The following AUTS2 variants were observed in gnomAD, a reference collection of about 807,000 sequenced individuals.
AUTS2 encodes autism susceptibility gene 2 protein.
In AUTS2, 17 loss-of-function variants were observed where a neutral mutation model predicts 112.4. The observed-to-expected ratio is 0.15, with a 90% CI of 0.10 to 0.23. AUTS2 has a LOEUF of 0.23. Among genes scored for constraint, AUTS2 ranks in the 10% least tolerant of loss-of-function variants. The probability of loss-of-function intolerance (pLI) is 1.00; values close to 1 mark genes in which losing one functional copy is unlikely to be tolerated. For synonymous variants in AUTS2, 751 were observed against 702.7 expected, an observed-to-expected ratio of 1.07 and a Z score of -1.09; for missense variants, 1,510 against 1,701.6, an observed-to-expected ratio of 0.89 and a Z score of 1.98.
At chr7:69,673,983 T>A (rs1796448063) in intron 1 of AUTS2, among the ~76,000 whole-genome samples, 1 of 152,252 alleles carries the variant, frequency 6.6e-6, no homozygotes, top group African/African-American at 2.4e-5. Flanking sequence ...TGTAATCTTT[T>A]AAAAATATTG....
chr7:70,330,554 A>G (rs1052044285), intron 4 of AUTS2, among the ~76,000 whole-genome samples: 2 of 152,178 alleles, frequency 1.3e-5, no homozygotes, highest in African/African-American at 4.8e-5. Flanking sequence ...TGAAATCAGG[A>G]AGTATAAGTC....
chr7:70,340,250 G>A (rs895291983), intron 4 of AUTS2, among the ~76,000 whole-genome samples: 1 of 151,072 alleles, frequency 6.6e-6, no homozygotes, highest in East Asian at 1.9e-4. Context: ...ATAAATACCA[G>A]TACACATTTT....
Position 69,614,314 on chromosome 7 carries a change from CTCTTTCTTTCTT to C in AUTS2, c.309+14394_309+14405del, listed in dbSNP as rs763131370. On this transcript the variant is annotated intron_variant, in intron 1 of 18. Coordinates refer to ENST00000342771, the MANE Select transcript of AUTS2 (RefSeq NM_015570.4). ...ACTTCTCTCAAGAGTCACTCTCCGT[CTCTTTCTTTCTT>C]TCTTTCTTTCTTTCTTTCTTTCTTT... is the stretch of plus-strand genomic sequence containing the variant. 9.7e-4 allele frequency among the ~76,000 whole-genome samples: 81 copies of C among 83,410 alleles called. 1 individual carries two copies. In the South Asian group the frequency reaches 0.013, roughly 14 times the overall value. The allele number at this position is 83,410 out of a possible 152,430, so 54.7% of individuals were successfully genotyped here.
In AUTS2 at chr7:70,763,063, G is replaced by A. The variant is rs757410487; in HGVS notation, c.936G>A (p.Glu312=). Residue 312 remains glutamate (E), a synonymous_variant, in exon 7 of 19, where the codon GAG becomes GAA. Transcript: ENST00000342771. ...VAQPIPQPQT[E]PQLRAPSPDP... is the part of the protein sequence containing the mutation. ...AGCCAATACCCCAGCCGCAGACGGA[G>A]CCCCAACTCCGAGCTCCTTCTCCGG... 3 of 1,613,992 alleles carry A rather than the reference G, an allele frequency of 1.9e-6. No homozygotes were observed. Among genetic ancestry groups the A allele is most frequent in the East Asian group, 4.5e-5 (2 of 44,886 alleles).
At chr7:69,662,449 C>CT (rs1795846201) in intron 1 of AUTS2, among the ~76,000 whole-genome samples, 2 of 152,124 alleles carry the variant, frequency 1.3e-5, no homozygotes, top group Admixed American at 1.3e-4. Flanking sequence ...TCCCTGGACT[C>CT]TACACACCAG....
chr7:69,892,170 A>ATT (rs35883320), intron 1 of AUTS2, among the ~76,000 whole-genome samples: 8 of 125,260 alleles, frequency 6.4e-5, no homozygotes, highest in Non-Finnish European at 1.0e-4. Flanking sequence ...AGTTTTGAGA[A>ATT]TTTTTTTTTT....
At chr7:70,491,895 G>A (rs1798262578) in intron 5 of AUTS2, among the ~76,000 whole-genome samples, 1 of 152,100 alleles carries the variant, frequency 6.6e-6, no homozygotes, top group African/African-American at 2.4e-5. Context: ...GATTACAAGT[G>A]TGAGCCACCG....
intron 4 of AUTS2, among the ~76,000 whole-genome samples, chr7:70,237,615 A>G (rs979858962): frequency 3.3e-5 from 5 of 152,226 alleles, no homozygotes; most frequent in Non-Finnish European, 7.3e-5. Flanking sequence ...AATTTAATCC[A>G]TAATGCATGA....
chr7:70,770,248 T>C (rs1174923771), intron 10 of AUTS2, among the ~76,000 whole-genome samples: 1 of 152,236 alleles, frequency 6.6e-6, no homozygotes, highest in Non-Finnish European at 1.5e-5. Context: ...TTGCAATCAC[T>C]GTTTAAGTGG....
At chr7:70,268,516 A>G (rs9647932) in intron 4 of AUTS2, among the ~76,000 whole-genome samples, 33,931 of 152,140 alleles carry the variant, frequency 0.22, 3,799 homozygotes, top group Middle Eastern at 0.32. Flanking sequence ...TTTCAGCTGT[A>G]TTTCTAGAGA....
intron 1 of AUTS2, among the ~76,000 whole-genome samples, chr7:69,640,840 A>G (rs944898035): frequency 6.6e-6 from 1 of 152,242 alleles, no homozygotes; most frequent in Non-Finnish European, 1.5e-5. Context: ...TTAGTTAAGA[A>G]TAATTAATTG....
intron 1 of AUTS2, among the ~76,000 whole-genome samples, chr7:69,841,515 T>C (rs1369812705): frequency 1.3e-5 from 2 of 152,080 alleles, no homozygotes; most frequent in South Asian, 2.1e-4. Flanking sequence ...GGGACAGATA[T>C]CCAAACTATA....
intron 1 of AUTS2, among the ~76,000 whole-genome samples, chr7:69,658,145 T>G (rs1197164112): frequency 2.0e-5 from 3 of 152,390 alleles, no homozygotes; most frequent in African/African-American, 7.2e-5. Flanking sequence ...TCATTTACGT[T>G]ATTGCCTTTG....
intron 5 of AUTS2, among the ~76,000 whole-genome samples, chr7:70,511,726 C>T (rs781270218): frequency 1.1e-4 from 16 of 151,858 alleles, no homozygotes; most frequent in Non-Finnish European, 2.1e-4. Flanking sequence ...CAAGCATGCG[C>T]CACCATGCTC....
chr7:70,692,322 T>G (rs1563131280), intron 5 of AUTS2, among the ~76,000 whole-genome samples: 1 of 152,202 alleles, frequency 6.6e-6, no homozygotes, highest in Non-Finnish European at 1.5e-5. Context: ...CTCAGGCAGT[T>G]TCTTCCCTGT....
At chr7:70,281,677 T>C (rs550374851) in intron 4 of AUTS2, among the ~76,000 whole-genome samples, 5 of 151,552 alleles carry the variant, frequency 3.3e-5, no homozygotes, top group Admixed American at 3.3e-4. Context: ...ATGTACTTAC[T>C]TGTTGTAAAC....
At chr7:70,510,196 T>G (rs770063684) in intron 5 of AUTS2, among the ~76,000 whole-genome samples, 1 of 152,212 alleles carries the variant, frequency 6.6e-6, no homozygotes, top group Non-Finnish European at 1.5e-5. Context: ...GCCCTGGTGC[T>G]CTGACAGCCA....
At chr7:69,930,284 C>T (rs551917600) in intron 2 of AUTS2, among the ~76,000 whole-genome samples, 57 of 152,232 alleles carry the variant, frequency 3.7e-4, no homozygotes, top group African/African-American at 1.2e-3. Flanking sequence ...CAGGTGAACC[C>T]TCTGTAGATC....
At chr7:69,994,656 C>T (rs1225800012) in intron 2 of AUTS2, among the ~76,000 whole-genome samples, 2 of 152,102 alleles carry the variant, frequency 1.3e-5, no homozygotes, top group East Asian at 1.9e-4. Flanking sequence ...CTGATAAAAT[C>T]GTGGAGTCTT....
Sources: gnomAD v4.1 joint callset for allele counts (sites outside exome capture counted in the v4.1 genomes callset) on GRCh38, gnomAD v4.1.1 for gene constraint, MANE v1.5 for transcripts, NCBI Gene and HGNC (gene_info 2026-07-23, HGNC 2026-07-21) for gene names.